Variants in AFF3 observed in about 807,000 individuals in gnomAD.
The protein encoded by AFF3 is AF4/FMR2 family member 3.
Under a neutral mutation model 129.7 loss-of-function variants are expected in AFF3, and 32 were observed. The observed-to-expected ratio is 0.25, with a 90% CI of 0.19 to 0.33. AFF3 has a LOEUF of 0.33. Among genes scored for constraint, AFF3 ranks in the 10% least tolerant of loss-of-function variants. The pLI, the probability that AFF3 is intolerant of heterozygous loss-of-function variation, is 1.00. For missense variants in AFF3, 1,373 were observed against 1,592.0 expected (o/e 0.86, Z 2.34); for synonymous variants, 644 against 635.4 (o/e 1.01, Z -0.20).
intron 4 of AFF3, among the ~76,000 whole-genome samples, chr2:100,102,198 A>G (rs1232217148): frequency 4.0e-5 from 6 of 151,254 alleles, no homozygotes; most frequent in Non-Finnish European, 8.8e-5. Context: ...ATTTACGTAA[A>G]CCATAAAACT....
At chr2:100,099,694 T>C (rs1271268002) in intron 4 of AFF3, among the ~76,000 whole-genome samples, 1 of 152,224 alleles carries the variant, frequency 6.6e-6, no homozygotes, top group East Asian at 1.9e-4. Context: ...TGGGTATGGC[T>C]TATTCTCCTA....
At chr2:100,026,079 C>T (rs553894758) in intron 4 of AFF3, among the ~76,000 whole-genome samples, 31 of 152,200 alleles carry the variant, frequency 2.0e-4, no homozygotes, top group Non-Finnish European at 3.5e-4. Context: ...AGCTTTTGCA[C>T]GGCAAAAGGA....
chr2:99,953,908 C>G (rs544691961), intron 7 of AFF3, among the ~76,000 whole-genome samples: 5 of 152,230 alleles, frequency 3.3e-5, no homozygotes, highest in Non-Finnish European at 5.9e-5. Flanking sequence ...ATCAATGGTC[C>G]AAAGAGGGAG....
At chr2:99,736,067 T>C (rs1370050802) in intron 10 of AFF3, among the ~76,000 whole-genome samples, 3 of 152,216 alleles carry the variant, frequency 2.0e-5, no homozygotes, top group Non-Finnish European at 4.4e-5. Context: ...TAGTTGTCAA[T>C]TTTCATAACT....
At chr2:99,989,282 A>G (rs1286976657) in intron 7 of AFF3, among the ~76,000 whole-genome samples, 3 of 152,260 alleles carry the variant, frequency 2.0e-5, no homozygotes, top group Non-Finnish European at 4.4e-5. Flanking sequence ...CTGTAATCAC[A>G]GAGCCCACAG....
chr2:99,619,851 G>A (rs974404365), intron 13 of AFF3, among the ~76,000 whole-genome samples: 1 of 152,116 alleles, frequency 6.6e-6, no homozygotes, highest in Non-Finnish European at 1.5e-5. Flanking sequence ...GTCACCACAC[G>A]CCCATGACTA....
At chr2:99,948,525 A>G (rs895543802) in intron 7 of AFF3, among the ~76,000 whole-genome samples, 4 of 152,216 alleles carry the variant, frequency 2.6e-5, no homozygotes, top group Admixed American at 6.5e-5. Context: ...GAGAAACTCA[A>G]AGGAGGAAGG....
At chr2:99,852,942 C>T (rs1334729193) in intron 7 of AFF3, among the ~76,000 whole-genome samples, 3 of 152,118 alleles carry the variant, frequency 2.0e-5, no homozygotes, top group Non-Finnish European at 4.4e-5. Flanking sequence ...CCCCAAGACC[C>T]TTGGAAGAAC....
At chr2:99,800,430 G>A (rs1291707840) in intron 8 of AFF3, among the ~76,000 whole-genome samples, 1 of 152,142 alleles carries the variant, frequency 6.6e-6, no homozygotes, top group African/African-American at 2.4e-5. Context: ...GCAAGGATGT[G>A]GAGAAACAAC....
At chr2:99,740,208 G>A (rs1049240457) in intron 10 of AFF3, among the ~76,000 whole-genome samples, 8 of 150,444 alleles carry the variant, frequency 5.3e-5, no homozygotes, top group African/African-American at 7.3e-5. Flanking sequence ...AATCCAGTCT[G>A]TCATTGTTGG....
intron 7 of AFF3, among the ~76,000 whole-genome samples, chr2:100,001,813 C>T (rs1022975969): frequency 6.6e-6 from 1 of 152,232 alleles, no homozygotes; most frequent in Non-Finnish European, 1.5e-5. Context: ...GTCTTCATTA[C>T]GACCTTCAGA....
chr2:99,937,380 A>G lies in AFF3; in HGVS notation c.873+69252T>C, dbSNP rs1558991066. 2.0e-5 allele frequency among the ~76,000 whole-genome samples: 3 copies of G among 151,918 alleles called. No homozygotes were observed. In the East Asian group the frequency reaches 5.8e-4, roughly 29 times the overall value. On this transcript the variant is annotated intron_variant, in intron 7 of 24. Coordinates refer to ENST00000672756, the MANE Select transcript of AFF3 (RefSeq NM_001386135.1). The stretch of plus-strand genomic sequence containing the variant: ...GAGGAGCTATACATATAAAGGCCAT[A>G]GAATTTAAATGAATTGAAGGATTTT...
chr2:100,000,807 G>A (rs138885164), intron 7 of AFF3, among the ~76,000 whole-genome samples: 46 of 152,332 alleles, frequency 3.0e-4, no homozygotes, highest in African/African-American at 9.4e-4. Context: ...CGGCTGACAG[G>A]TGGCAGGCCC....
At chr2:99,990,566 T>C (rs1680250440) in intron 7 of AFF3, among the ~76,000 whole-genome samples, 1 of 152,134 alleles carries the variant, frequency 6.6e-6, no homozygotes, top group African/African-American at 2.4e-5. Context: ...CCTGCAAGGA[T>C]TGGGAGCTTG....
Position 99,707,170 on chromosome 2 carries a change from A to G in AFF3, c.1091+19907T>C, listed in dbSNP as rs1026171591. 14 of 985,350 alleles carry G rather than the reference A, an allele frequency of 1.4e-5. No individual in the cohort carries two copies. The Admixed American group carries it at 1.8e-4, about 13-fold the overall frequency. The allele number at this position is 985,350 out of a possible 1,614,324, so 61.0% of individuals were successfully genotyped here. On this transcript the variant is annotated intron_variant, in intron 11 of 24. Coordinates refer to ENST00000672756, the MANE Select transcript of AFF3 (RefSeq NM_001386135.1). ...AACTAGTAAACTTGCCTGTAACAACATCCTAAAATTCCAAAGGTTATTCTT... is the reference window on the plus strand; with the variant it reads ...AACTAGTAAACTTGCCTGTAACAACGTCCTAAAATTCCAAAGGTTATTCTT...
At chr2:99,586,574 C>G (rs1678139693) in intron 16 of AFF3, among the ~76,000 whole-genome samples, 1 of 152,162 alleles carries the variant, frequency 6.6e-6, no homozygotes, top group Non-Finnish European at 1.5e-5. Context: ...TGATAAGCTA[C>G]TTGTTTCTAA....
intron 7 of AFF3, among the ~76,000 whole-genome samples, chr2:99,978,354 T>C (rs1318842255): frequency 2.0e-5 from 3 of 147,074 alleles, no homozygotes; most frequent in Non-Finnish European, 1.5e-5. Flanking sequence ...GAAAAATTAC[T>C]TAGAAAAGGT....
At position 100,064,408 on chromosome 2, in the gene AFF3, T is replaced by C. The variant is rs541568385; in HGVS notation, c.53+39994A>G. On this transcript the variant is annotated intron_variant, in intron 4 of 24. Transcript: ENST00000672756. ...ATCTGGATGGATGCCTACAGCCATG[T>C]CTTCAATGGGCAAGGAAAGTCTTAC... Among the ~76,000 whole-genome samples the C allele has an allele frequency of 7.2e-5, 11 of 152,324 alleles. No homozygotes were observed. The East Asian group carries it at 2.1e-3, about 29-fold the overall frequency.
chr2:99,718,299 G>A (rs146583084), intron 11 of AFF3, among the ~76,000 whole-genome samples: 21 of 152,110 alleles, frequency 1.4e-4, no homozygotes, highest in Admixed American at 3.3e-4. Context: ...ATTCATGAAC[G>A]TCTCTCCATT....
Sources: gnomAD v4.1 joint callset for allele counts (sites outside exome capture counted in the v4.1 genomes callset) on GRCh38, gnomAD v4.1.1 for gene constraint, MANE v1.5 for transcripts, NCBI Gene and HGNC (gene_info 2026-07-23, HGNC 2026-07-21) for gene names.